The following ACYP2 variants were observed in gnomAD, a reference collection of about 807,000 sequenced individuals.
ACYP2 encodes acylphosphatase 2.
In ACYP2, 12 loss-of-function variants were observed where a neutral mutation model predicts 11.2. That is an observed-to-expected ratio of 1.08 (90% confidence interval 0.69 to 1.74). The LOEUF is 1.74. Ranked by LOEUF, ACYP2 falls within the 40% of genes most tolerant of loss-of-function variation. ACYP2 has a pLI of 0.00. For synonymous variants in ACYP2, 43 were observed against 32.2 expected, an observed-to-expected ratio of 1.33 and a Z score of -1.13; for missense variants, 134 against 101.9, an observed-to-expected ratio of 1.31 and a Z score of -1.35.
At chr2:54,127,173 T>C (rs560834087) in intron 4 of ACYP2, among the ~76,000 whole-genome samples, 1 of 151,934 alleles carries the variant, frequency 6.6e-6, no homozygotes, top group East Asian at 1.9e-4. Flanking sequence ...GGCACTGCTC[T>C]TTTTGAAATT....
At chr2:54,195,541 C>G (rs913429202) in intron 6 of ACYP2, among the ~76,000 whole-genome samples, 5 of 151,772 alleles carry the variant, frequency 3.3e-5, no homozygotes, top group African/African-American at 9.7e-5. Flanking sequence ...GGATCCCAAA[C>G]TCCATCCTCC....
At chr2:54,178,825 G>A (rs1307353496) in intron 6 of ACYP2, among the ~76,000 whole-genome samples, 2 of 152,184 alleles carry the variant, frequency 1.3e-5, no homozygotes, top group African/African-American at 4.8e-5. Context: ...AAGTAACCAT[G>A]AACTTTTCAG....
At chr2:54,296,890 T>A (rs918018293) in intron 6 of ACYP2, among the ~76,000 whole-genome samples, 1 of 152,170 alleles carries the variant, frequency 6.6e-6, no homozygotes, top group Non-Finnish European at 1.5e-5. Context: ...TGGATCACCC[T>A]TCTTAAATAG....
intron 2 of ACYP2, among the ~76,000 whole-genome samples, chr2:54,010,737 CTTTTT>C (rs539896151): frequency 0.35 from 37,845 of 108,178 alleles, 5,890 homozygotes; most frequent in South Asian, 0.58. Context: ...TTCTTTCTTT[CTTTTT>C]TTTTTTTTTT....
At chr2:54,149,777 G>A (rs372197610) in intron 6 of ACYP2, among the ~76,000 whole-genome samples, 5 of 152,150 alleles carry the variant, frequency 3.3e-5, no homozygotes, top group Admixed American at 3.3e-4. Flanking sequence ...TAAAGGACTG[G>A]TATATGTATA....
chr2:54,252,669 A>G (rs759478515), intron 6 of ACYP2, among the ~76,000 whole-genome samples: 14 of 152,304 alleles, frequency 9.2e-5, no homozygotes, highest in Non-Finnish European at 1.3e-4. Flanking sequence ...AAATATGCCA[A>G]TGGTCGGGCG....
intron 4 of ACYP2, among the ~76,000 whole-genome samples, chr2:54,079,231 G>A (rs1024989813): frequency 6.6e-6 from 1 of 152,184 alleles, no homozygotes; most frequent in Non-Finnish European, 1.5e-5. Flanking sequence ...ACTGGACATC[G>A]TGGTTGTCTT....
At chr2:54,286,207 C>T (rs1689072258) in intron 6 of ACYP2, among the ~76,000 whole-genome samples, 1 of 151,982 alleles carries the variant, frequency 6.6e-6, no homozygotes, top group South Asian at 2.1e-4. Context: ...AACCCTATAG[C>T]TGGGCTAAAC....
At chr2:54,222,012 C>G (rs1247181433) in intron 6 of ACYP2, among the ~76,000 whole-genome samples, 1 of 152,190 alleles carries the variant, frequency 6.6e-6, no homozygotes, top group African/African-American at 2.4e-5. Flanking sequence ...GCAAATCTGT[C>G]AAATCTGTCA....
intron 6 of ACYP2, among the ~76,000 whole-genome samples, chr2:54,140,907 A>T (rs887592723): frequency 2.0e-5 from 3 of 152,194 alleles, no homozygotes; most frequent in African/African-American, 7.2e-5. Context: ...TATTTGTCAG[A>T]CTGCTTTACA....
intron 6 of ACYP2, among the ~76,000 whole-genome samples, chr2:54,297,336 A>C (rs13385842): frequency 0.063 from 9,530 of 152,016 alleles, 371 homozygotes; most frequent in South Asian, 0.1. Context: ...TCCACACACA[A>C]AAAAATTTTT....
rs188694645 is a variant in ACYP2 at position 53,981,598 on chromosome 2, A to G, written c.62+7788A>G. On this transcript the variant is annotated intron_variant, in intron 2 of 6. Coordinates refer to ENST00000607452, the MANE Select transcript of ACYP2 (RefSeq NM_001320586.2). ...ACTTTCAATTTTCCATTTGCCACGC[A>G]TAAAAAGGGGAGGGGGGTTGCAAAG... Among the ~76,000 whole-genome samples, 8 of 152,330 alleles carry G rather than the reference A, an allele frequency of 5.3e-5. No homozygotes were observed. The East Asian group carries it at 5.8e-4, about 11-fold the overall frequency.
chr2:54,139,342 A>G (rs1263360768), intron 6 of ACYP2, among the ~76,000 whole-genome samples: 1 of 152,152 alleles, frequency 6.6e-6, no homozygotes. Context: ...TCTAATTGTA[A>G]TTTTATTTTT....
intron 2 of ACYP2, among the ~76,000 whole-genome samples, chr2:53,984,628 A>ATT (rs1671934437): frequency 6.7e-6 from 1 of 149,588 alleles, no homozygotes; most frequent in Non-Finnish European, 1.5e-5. Context: ...TATATTATAT[A>ATT]TTATATATAT....
rs568139658 is a variant in ACYP2 at position 54,296,657 on chromosome 2, A to G, written c.405-8031A>G. Among the ~76,000 whole-genome samples, 6 of 152,234 alleles carry G rather than the reference A, an allele frequency of 3.9e-5. No homozygotes were observed. In the East Asian group the frequency reaches 9.6e-4, roughly 24 times the overall value. On this transcript the variant is annotated intron_variant, in intron 6 of 6. Coordinates refer to ENST00000607452, the MANE Select transcript of ACYP2 (RefSeq NM_001320586.2). ...AAATCTCCTCTTATATTGTTACTTT[A>G]TAACTGTTAAAGGCAACATGATTTT...
chr2:54,219,857 ATGTGTGTG>A (rs771365126), intron 6 of ACYP2, among the ~76,000 whole-genome samples: 1 of 41,034 alleles, frequency 2.4e-5, no homozygotes, highest in Non-Finnish European at 4.3e-5. Context: ...GTGTATATAG[ATGTGTGTG>A]TGTGTGTGTG....
intron 2 of ACYP2, among the ~76,000 whole-genome samples, chr2:54,021,218 C>T (rs541370610): frequency 6.6e-5 from 10 of 152,144 alleles, no homozygotes; most frequent in South Asian, 2.1e-4. Context: ...ACAGGTAACT[C>T]GGGATGATTC....
intron 4 of ACYP2, among the ~76,000 whole-genome samples, chr2:54,102,172 G>A (rs1049392730): frequency 2.6e-5 from 4 of 152,130 alleles, no homozygotes; most frequent in African/African-American, 9.7e-5. Context: ...CGCCAGCAGT[G>A]CGTGAGAGTC....
At chr2:54,089,408 A>ATC (rs1332878094) in intron 4 of ACYP2, among the ~76,000 whole-genome samples, 1 of 151,984 alleles carries the variant, frequency 6.6e-6, no homozygotes, top group African/African-American at 2.4e-5. Context: ...ATATATATAT[A>ATC]TATATCTCCT....
Sources: allele counts gnomAD v4.1 joint callset (sites outside exome capture counted in the v4.1 genomes callset), GRCh38; gene constraint gnomAD v4.1.1; transcripts MANE v1.5; gene names NCBI Gene and HGNC (gene_info 2026-07-23, HGNC 2026-07-21).